CDIN1: variants seen among roughly 807,000 people sequenced by gnomAD.
The protein encoded by CDIN1 is CDAN1-interacting nuclease 1.
Under a neutral mutation model 45.3 loss-of-function variants are expected in CDIN1, and 33 were observed. The ratio of observed to expected loss-of-function variants is 0.73; its 90% confidence interval spans 0.55 to 0.97. CDIN1 has a LOEUF of 0.97. CDIN1 is among the 50% of genes least tolerant of loss of function. The pLI is 0.00. For synonymous variants in CDIN1, 118 were observed against 124.4 expected, an observed-to-expected ratio of 0.95 and a Z score of 0.34; for missense variants, 303 against 339.4, an observed-to-expected ratio of 0.89 and a Z score of 0.84.
chr15:36,605,370 T>C (rs1031159821), intron 1 of CDIN1, among the ~76,000 whole-genome samples: 4 of 152,208 alleles, frequency 2.6e-5, no homozygotes, highest in Admixed American at 2.6e-4. Context: ...ACTTGTATTT[T>C]TTTTTTAATC....
chr15:36,741,065 T>C (rs1169176949), intron 10 of CDIN1, among the ~76,000 whole-genome samples: 1 of 152,158 alleles, frequency 6.6e-6, no homozygotes, highest in African/African-American at 2.4e-5. Flanking sequence ...ACATCCCAAG[T>C]AGCTGAGAAT....
At chr15:36,600,764 AC>A (rs1441565695) in intron 1 of CDIN1, among the ~76,000 whole-genome samples, 4 of 152,324 alleles carry the variant, frequency 2.6e-5, no homozygotes, top group Non-Finnish European at 4.4e-5. Context: ...GACCATTTAT[AC>A]CAGGAGAACT....
In CDIN1 at chr15:36,732,260, T is replaced by C. The variant is rs992050085; in HGVS notation, c.716+22299T>C. Among the ~76,000 whole-genome samples, 3 of 152,004 alleles carry C rather than the reference T, an allele frequency of 2.0e-5. No homozygotes were observed. In the South Asian group the frequency reaches 6.2e-4, roughly 31 times the overall value. On this transcript the variant is annotated intron_variant, in intron 10 of 10. Transcript: ENST00000566621. ...TGAAAAAGAAGTCAGAACAGTTTCT[T>C]CAACAAGACAAAGGCACAAAAAAAA... is the stretch of plus-strand genomic sequence containing the variant.
At chr15:36,620,079 C>T (rs1055326689) in intron 1 of CDIN1, among the ~76,000 whole-genome samples, 3 of 152,062 alleles carry the variant, frequency 2.0e-5, no homozygotes, top group Admixed American at 6.6e-5. Context: ...CGGCCGGGTG[C>T]GGTGGCTCTC....
At chr15:36,623,927 G>A (rs1158494253) in intron 1 of CDIN1, among the ~76,000 whole-genome samples, 1 of 152,142 alleles carries the variant, frequency 6.6e-6, no homozygotes, top group African/African-American at 2.4e-5. Context: ...ATTTGGAGAA[G>A]ATACTTCACT....
chr15:36,752,295 T>C (rs139049548), intron 10 of CDIN1, among the ~76,000 whole-genome samples: 1 of 152,356 alleles, frequency 6.6e-6, no homozygotes, highest in African/African-American at 2.4e-5. Context: ...AATGTTTAAT[T>C]GATGACTCAA....
rs71126233 is a variant in CDIN1 at position 36,703,219 on chromosome 15, A to AATATATATATATAT, written c.544+5830_544+5843dup. Among the ~76,000 whole-genome samples, 26 of 57,372 alleles carry AATATATATATATAT rather than the reference A, an allele frequency of 4.5e-4. 7 individuals are homozygous for AATATATATATATAT. The highest frequency in any genetic ancestry group is 6.7e-4 in the Non-Finnish European group (20 of 29,822). 37.6% of individuals were successfully genotyped at this position (57,372 alleles called of 152,430 possible). A position where few individuals can be genotyped will look rare whatever the true frequency, so the allele number is the denominator to read the frequency against. On this transcript the variant is annotated intron_variant, in intron 8 of 10. Coordinates refer to ENST00000566621, the MANE Select transcript of CDIN1 (RefSeq NM_001321759.2). ...GGCAATAGAGTGAGACCCTGTCTCAAATATATATATATATCAGATATATAT... is the reference window on the plus strand; with the variant it reads ...GGCAATAGAGTGAGACCCTGTCTCAAATATATATATATATATATATATATATATCAGATATATAT...
intron 5 of CDIN1, among the ~76,000 whole-genome samples, chr15:36,668,684 T>A (rs1375454878): frequency 6.6e-6 from 1 of 152,130 alleles, no homozygotes. Context: ...CTTACTGTCA[T>A]AAAAGTTTTT....
chr15:36,598,225 C>G (rs2037928359), intron 1 of CDIN1, among the ~76,000 whole-genome samples: 1 of 152,146 alleles, frequency 6.6e-6, no homozygotes, highest in Non-Finnish European at 1.5e-5. Context: ...CTCCTGTACT[C>G]AAACCATCCA....
At chr15:36,749,033 T>C (rs1406923803) in intron 10 of CDIN1, among the ~76,000 whole-genome samples, 1 of 152,200 alleles carries the variant, frequency 6.6e-6, no homozygotes, top group Non-Finnish European at 1.5e-5. Flanking sequence ...CTGAAATGAA[T>C]GCTCTTTAAG....
At chr15:36,767,797 G>A (rs12901625) in intron 10 of CDIN1, among the ~76,000 whole-genome samples, 135,743 of 152,242 alleles carry the variant, frequency 0.89, 62,620 homozygotes, top group Non-Finnish European at 1. Context: ...CAGTAGAGGT[G>A]ATACAGACAG....
intron 1 of CDIN1, among the ~76,000 whole-genome samples, chr15:36,625,961 G>C (rs2039405793): frequency 6.6e-6 from 1 of 151,910 alleles, no homozygotes; most frequent in Non-Finnish European, 1.5e-5. Context: ...ATTTTTATCA[G>C]ATTATAGTAA....
intron 1 of CDIN1, among the ~76,000 whole-genome samples, chr15:36,606,788 G>T (rs1240619017): frequency 6.6e-6 from 1 of 152,092 alleles, no homozygotes; most frequent in South Asian, 2.1e-4. Context: ...CTCTAAGGGG[G>T]TTATGTAAAT....
intron 10 of CDIN1, among the ~76,000 whole-genome samples, chr15:36,756,753 C>T (rs895155912): frequency 2.6e-5 from 4 of 152,090 alleles, no homozygotes; most frequent in African/African-American, 9.7e-5. Flanking sequence ...ACTGAAATTA[C>T]CTGTCAGCTA....
intron 10 of CDIN1, among the ~76,000 whole-genome samples, chr15:36,779,227 C>G (rs1434112634): frequency 6.6e-6 from 1 of 152,206 alleles, no homozygotes; most frequent in Non-Finnish European, 1.5e-5. Context: ...AACAATGAAT[C>G]TATTCGCTAT....
chr15:36,659,208 T>C (rs1006172773), intron 5 of CDIN1, among the ~76,000 whole-genome samples: 2 of 152,196 alleles, frequency 1.3e-5, no homozygotes, highest in African/African-American at 4.8e-5. Flanking sequence ...CATTGACTTG[T>C]GAATTATGAA....
intron 1 of CDIN1, among the ~76,000 whole-genome samples, chr15:36,599,856 T>C (rs1393291749): frequency 6.6e-6 from 1 of 152,166 alleles, no homozygotes; most frequent in African/African-American, 2.4e-5. Flanking sequence ...GTTAAAGTTC[T>C]AGAGGGAAAA....
At chr15:36,611,924 G>T (rs560528967) in intron 1 of CDIN1, among the ~76,000 whole-genome samples, 2 of 152,338 alleles carry the variant, frequency 1.3e-5, no homozygotes, top group African/African-American at 4.8e-5. Flanking sequence ...TATTGAGTAA[G>T]TAAAGTGAAT....
intron 10 of CDIN1, chr15:36,804,674 CTTTTTTTT>C (rs3045810): frequency 1.2e-5 from 1 of 84,890 alleles, no homozygotes. Context: ...CAGAGAATCA[CTTTTTTTT>C]TTTTTTTTTT....
Sources: gnomAD v4.1 joint callset for allele counts (sites outside exome capture counted in the v4.1 genomes callset) on GRCh38, gnomAD v4.1.1 for gene constraint, MANE v1.5 for transcripts, NCBI Gene and HGNC (gene_info 2026-07-23, HGNC 2026-07-21) for gene names.